The following ADIPOR2 variants were observed in gnomAD, a reference collection of about 807,000 sequenced individuals.
ADIPOR2 encodes adiponectin receptor protein 2.
ADIPOR2 carries 18 observed loss-of-function variants against 40.9 expected under a neutral mutation model. The observed-to-expected ratio is 0.44, with a 90% CI of 0.30 to 0.65. The LOEUF is 0.65. ADIPOR2 is among the 30% of genes least tolerant of loss of function. The probability of loss-of-function intolerance (pLI) is 0.09; values close to 1 mark genes in which losing one functional copy is unlikely to be tolerated. For missense variants in ADIPOR2, 283 were observed against 479.2 expected, an observed-to-expected ratio of 0.59 and a Z score of 3.82; for synonymous variants, 165 against 166.4, an observed-to-expected ratio of 0.99 and a Z score of 0.06.
chr12:1,716,428 T>A (rs1020938476), intron 1 of ADIPOR2, among the ~76,000 whole-genome samples: 4 of 152,224 alleles, frequency 2.6e-5, no homozygotes, highest in Admixed American at 1.3e-4. Context: ...GTAGTATTGC[T>A]GTTAGTCATT....
rs1444797683 is a variant in ADIPOR2 at position 1,697,978 on chromosome 12, A to G, written c.-87+6787A>G. On this transcript the variant is annotated intron_variant, in intron 1 of 7. Transcript: ENST00000357103. Reference sequence around the variant, plus strand: ...CTGTAGTAACCCTTTAATGTCAGCCAGTGGCTCCACTTTATTAGATTCTAT... The same window carrying G: ...CTGTAGTAACCCTTTAATGTCAGCCGGTGGCTCCACTTTATTAGATTCTAT... 3 of 152,382 alleles carry G rather than the reference A, an allele frequency of 2.0e-5. No homozygotes were observed. The East Asian group carries it at 5.8e-4, about 29-fold the overall frequency. 9.4% of individuals were successfully genotyped at this position (152,382 alleles called of 1,614,324 possible).
chr12:1,730,052 T>A (rs1442814615), intron 1 of ADIPOR2, among the ~76,000 whole-genome samples: 1 of 152,124 alleles, frequency 6.6e-6, no homozygotes, highest in Admixed American at 6.5e-5. Context: ...TTTAAGTGAC[T>A]GTATTACAAC....
chr12:1,787,642 G>A lies in ADIPOR2; in HGVS notation c.*1570G>A, dbSNP rs1382076795. ...CTTAGGTTACTGTCATCAAAGACTT[G>A]GGATGACTCCATTATATCCTGGGGT... On this transcript the variant is annotated 3_prime_UTR_variant, in exon 8 of 8. Coordinates refer to ENST00000357103, the MANE Select transcript of ADIPOR2 (RefSeq NM_024551.3). 1 of 152,174 alleles carries A rather than the reference G, an allele frequency of 6.6e-6. No homozygotes were observed. The highest frequency in any genetic ancestry group is 1.5e-5 in the Non-Finnish European group (1 of 68,024). The allele number at this position is 152,174 out of a possible 1,614,324, so 9.4% of individuals were successfully genotyped here. A position where few individuals can be genotyped will look rare whatever the true frequency, so the allele number is the denominator to read the frequency against.
At chr12:1,762,863 GTTTTC>G (rs1240911825) in intron 2 of ADIPOR2, among the ~76,000 whole-genome samples, 7 of 152,128 alleles carry the variant, frequency 4.6e-5, no homozygotes, top group Admixed American at 3.3e-4. Context: ...AAGGGGCAGG[GTTTTC>G]TTTTCATTGG....
intron 1 of ADIPOR2, chr12:1,696,775 A>G (rs2094639932): frequency 6.5e-6 from 1 of 153,228 alleles, no homozygotes; most frequent in Admixed American, 6.5e-5. Context: ...ATTTGGAAGA[A>G]CTGAATCACA....
chr12:1,775,832 C>T (rs1015962685), intron 3 of ADIPOR2, among the ~76,000 whole-genome samples: 2 of 146,734 alleles, frequency 1.4e-5, no homozygotes, highest in Non-Finnish European at 3.0e-5. Flanking sequence ...GCAGTTCCAA[C>T]AGAAGGGATA....
At chr12:1,774,045 A>G (rs1862539072) in intron 3 of ADIPOR2, among the ~76,000 whole-genome samples, 1 of 152,224 alleles carries the variant, frequency 6.6e-6, no homozygotes, top group Non-Finnish European at 1.5e-5. Flanking sequence ...AAACAACTGA[A>G]CAGAACAATA....
At chr12:1,755,947 C>T (rs1032302355) in intron 2 of ADIPOR2, among the ~76,000 whole-genome samples, 16 of 151,782 alleles carry the variant, frequency 1.1e-4, no homozygotes, top group African/African-American at 2.9e-4. Flanking sequence ...TTTCTTACTA[C>T]GGGTTGTGGT....
rs71055199 is a variant in ADIPOR2 at position 1,782,976 on chromosome 12, C to CTT, written c.839-879_839-878dup. On this transcript the variant is annotated intron_variant, in intron 6 of 7. Coordinates refer to ENST00000357103, the MANE Select transcript of ADIPOR2 (RefSeq NM_024551.3). ...TTCTTTTCTTTTTCTTTCTTTCTTT[C>CTT]TTTTTTTTTTTTTTTTTTTTTTTTT... Among the ~76,000 whole-genome samples, 60 of 109,742 alleles carry CTT rather than the reference C, an allele frequency of 5.5e-4. 1 individual carries two copies. Among genetic ancestry groups the CTT allele is most frequent in the African/African-American group, 1.4e-3 (38 of 27,260 alleles). 72.0% of individuals were successfully genotyped at this position (109,742 alleles called of 152,430 possible).
chr12:1,745,130 A>G (rs948685692), intron 1 of ADIPOR2, among the ~76,000 whole-genome samples: 2 of 152,076 alleles, frequency 1.3e-5, no homozygotes, highest in African/African-American at 2.4e-5. Context: ...GTGAAAGTCA[A>G]CAAGATTCCT....
chr12:1,759,918 T>G (rs1050948765), intron 2 of ADIPOR2, among the ~76,000 whole-genome samples: 1 of 151,852 alleles, frequency 6.6e-6, no homozygotes, highest in Non-Finnish European at 1.5e-5. Context: ...CCGGCTACTT[T>G]GGGAGGCTGA....
chr12:1,714,169 A>G (rs1012127671), intron 1 of ADIPOR2, among the ~76,000 whole-genome samples: 9 of 152,018 alleles, frequency 5.9e-5, no homozygotes, highest in African/African-American at 2.2e-4. Flanking sequence ...TGCAAACCAA[A>G]TTGATAACAA....
At chr12:1,778,750 GAC>G (rs1862652255) in intron 4 of ADIPOR2, 1 of 152,176 alleles carries the variant, frequency 6.6e-6, no homozygotes, top group South Asian at 2.1e-4. Context: ...AAAGTGAAAA[GAC>G]AACCCATAGA....
At chr12:1,704,817 T>C (rs763414586) in intron 1 of ADIPOR2, among the ~76,000 whole-genome samples, 6 of 152,202 alleles carry the variant, frequency 3.9e-5, no homozygotes, top group Non-Finnish European at 7.3e-5. Context: ...AGATGTATAT[T>C]CTAAATTTTT....
intron 1 of ADIPOR2, among the ~76,000 whole-genome samples, chr12:1,691,970 C>T (rs1026402775): frequency 6.6e-6 from 1 of 151,810 alleles, no homozygotes; most frequent in Admixed American, 6.6e-5. Flanking sequence ...TATGGGGGTA[C>T]GGTGACTTCA....
intron 1 of ADIPOR2, among the ~76,000 whole-genome samples, chr12:1,692,231 C>G (rs900667884): frequency 1.3e-5 from 2 of 152,142 alleles, no homozygotes; most frequent in African/African-American, 2.4e-5. Flanking sequence ...CATCCATCTA[C>G]CCATAGCATT....
In ADIPOR2 at chr12:1,786,369, C is replaced by T. The variant is rs1019449252; in HGVS notation, c.*297C>T. The T allele has an allele frequency of 3.8e-5, 12 of 313,732 alleles. No individual in the cohort carries two copies. Among genetic ancestry groups the T allele is most frequent in the Admixed American group, 1.8e-4 (4 of 22,142 alleles). The allele number at this position is 313,732 out of a possible 1,614,324, so 19.4% of individuals were successfully genotyped here. On this transcript the variant is annotated 3_prime_UTR_variant, in exon 8 of 8. Transcript: ENST00000357103. ...TGCAAGACCCTTGGCAAACTGGCTT[C>T]TGATCCATATCATATTTATTTGTAG...
intron 4 of ADIPOR2, 99 bp downstream of exon 4, chr12:1,778,124 G>A (rs1272537864): frequency 1.5e-6 from 2 of 1,340,114 alleles, no homozygotes; most frequent in South Asian, 3.3e-5. Flanking sequence ...AATGTATTTG[G>A]ATTTGCCATT....
At chr12:1,726,254 A>G (rs775069340) in intron 1 of ADIPOR2, among the ~76,000 whole-genome samples, 2 of 151,964 alleles carry the variant, frequency 1.3e-5, no homozygotes, top group Non-Finnish European at 2.9e-5. Context: ...CTGGAGTGCA[A>G]TGGCACCATC....
Sources: gnomAD v4.1 joint callset for allele counts (sites outside exome capture counted in the v4.1 genomes callset) on GRCh38, gnomAD v4.1.1 for gene constraint, MANE v1.5 for transcripts, NCBI Gene and HGNC (gene_info 2026-07-23, HGNC 2026-07-21) for gene names.